Variants in DST observed in about 807,000 individuals in gnomAD.
The protein encoded by DST is bullous pemphigoid antigen.
Under a neutral mutation model 875.2 loss-of-function variants are expected in DST, and 253 were observed. That is an observed-to-expected ratio of 0.29 (90% CI 0.26 to 0.32). The LOEUF (loss-of-function observed/expected upper bound fraction) is 0.32, where lower values mean the gene tolerates loss of function less well. DST is among the 10% of genes least tolerant of loss of function. The pLI is 1.00. For synonymous variants in DST, 3,124 were observed against 3,197.1 expected (o/e 0.98, Z 0.77); for missense variants, 8,287 against 9,111.6 (o/e 0.91, Z 3.68).
chr6:56,605,384 T>C lies in DST; in HGVS notation c.9244A>G (p.Arg3082Gly), dbSNP rs1270677936. The C allele has an allele frequency of 3.1e-6, 5 of 1,612,590 alleles. No individual in the cohort carries two copies. The highest frequency in any genetic ancestry group is 4.2e-6 in the Non-Finnish European group (5 of 1,179,268). ...HLKLLPGKNT[R>G]DSFKLINSQF... ...CTATTAATTAACTTGAAACTATCCCTTGTATTTTTACCAGGCAAAAGTTTG... is the reference window on the plus strand; with the variant it reads ...CTATTAATTAACTTGAAACTATCCCCTGTATTTTTACCAGGCAAAAGTTTG... The change falls in exon 40 of 104, where the codon AGG becomes GGG. Residue 3082 changes from arginine (R) to glycine (G), a missense_variant. By Grantham distance (125) the Arg-to-Gly change is moderately radical. Around this residue, in one of 10 missense-constraint regions of DST, gnomAD observed 3,138 missense variants for 3,116.6 expected, o/e 1.01. Transcript: ENST00000680361.
intron 2 of DST, among the ~76,000 whole-genome samples, chr6:56,930,204 C>A (rs1348381529): frequency 1.3e-5 from 2 of 152,190 alleles, no homozygotes; most frequent in Non-Finnish European, 2.9e-5. Context: ...CAGGCCTATG[C>A]CGTATCTTGG....
At chr6:56,616,896 C>T (rs760993012) in intron 36 of DST, 2 of 1,612,602 alleles carry the variant, frequency 1.2e-6, no homozygotes, top group Non-Finnish European at 1.7e-6. Flanking sequence ...GCATCTTCAA[C>T]AGAATATGTC....
At chr6:56,781,118 G>C in intron 4 of DST, among the ~76,000 whole-genome samples, 1 of 152,136 alleles carries the variant, frequency 6.6e-6, no homozygotes, top group Non-Finnish European at 1.5e-5. Context: ...TGCTGTTTTG[G>C]TTACTGTAGC....
chr6:56,887,491 G>A (rs1228298613), intron 3 of DST, among the ~76,000 whole-genome samples: 1 of 152,098 alleles, frequency 6.6e-6, no homozygotes, highest in Non-Finnish European at 1.5e-5. Flanking sequence ...GATTTCTTTG[G>A]TTAGAGGTGA....
At chr6:56,476,805 A>G (rs752819281) in intron 91 of DST, among the ~76,000 whole-genome samples, 44 of 151,888 alleles carry the variant, frequency 2.9e-4, no homozygotes, top group Non-Finnish European at 5.6e-4. Context: ...CAAAAAAATT[A>G]GCTGGGCATG....
At chr6:56,817,433 G>T (rs1438933842) in intron 4 of DST, among the ~76,000 whole-genome samples, 1 of 152,148 alleles carries the variant, frequency 6.6e-6, no homozygotes, top group Non-Finnish European at 1.5e-5. Flanking sequence ...TTGGATGTTT[G>T]GAAAGCAATT....
At chr6:56,727,017 G>C (rs2152920690) in intron 5 of DST, among the ~76,000 whole-genome samples, 1 of 152,156 alleles carries the variant, frequency 6.6e-6, no homozygotes, top group Admixed American at 6.5e-5. Flanking sequence ...ATAAATCTTG[G>C]GGCCCCAAAA....
chr6:56,542,020 A>T (rs2097135116), intron 61 of DST, among the ~76,000 whole-genome samples: 3 of 152,218 alleles, frequency 2.0e-5, no homozygotes, highest in Admixed American at 6.5e-5. Context: ...AACAGCCTGA[A>T]TGTTAATTTC....
Position 56,605,452 on chromosome 6 carries a change from TCTC to T in DST, c.9173_9175del (p.Gly3058del). ...TTCTACTAGACCTTCTACAAGCACT[TCTC>T]CTTCACCCAAGTACATTTTCTGAAT... is the stretch of plus-strand genomic sequence containing the variant. On this transcript the variant is annotated inframe_deletion, in exon 40 of 104. Transcript: ENST00000680361. The T allele has an allele frequency of 6.2e-7, 1 of 1,612,932 alleles. No homozygotes were observed. The highest frequency in any genetic ancestry group is 8.5e-7 in the Non-Finnish European group (1 of 1,179,286).
chr6:56,523,942 A>C (rs1301469771), intron 69 of DST, among the ~76,000 whole-genome samples: 2 of 152,138 alleles, frequency 1.3e-5, no homozygotes, highest in Non-Finnish European at 2.9e-5. Flanking sequence ...TATTTCATAC[A>C]GAGAAGAGAC....
chr6:56,911,100 CT>C (rs1798657659), intron 2 of DST, among the ~76,000 whole-genome samples: 1 of 152,160 alleles, frequency 6.6e-6, no homozygotes, highest in African/African-American at 2.4e-5. Flanking sequence ...GTTGCTGGTT[CT>C]TGACACTTAG....
In DST at chr6:56,593,908, C is replaced by T; in HGVS notation, c.12481G>A (p.Glu4161Lys). Residue 4161 changes from glutamate to lysine, a missense_variant, in exon 48 of 104, where the codon GAG becomes AAG. Glu to Lys is a moderately conservative substitution (Grantham distance 56, BLOSUM62 1). This residue lies in a region of DST where 1,513 missense variants were observed against 1,677.8 expected (regional missense o/e 0.90). Transcript: ENST00000680361. The stretch of plus-strand genomic sequence containing the variant: ...CCATTGATGTCATCTGCACCTGCCT[C>T]CAGGTTTTCAAGTTCTTGTTCTGAC... ...QQSEQELENL[E>K]AGADDINGLM... The T allele has an allele frequency of 3.1e-6, 5 of 1,613,778 alleles. No homozygotes were observed. The highest frequency in any genetic ancestry group is 4.2e-6 in the Non-Finnish European group (5 of 1,179,744).
intron 4 of DST, among the ~76,000 whole-genome samples, chr6:56,747,516 TAAAG>T (rs2099576131): frequency 6.6e-6 from 1 of 152,202 alleles, no homozygotes; most frequent in South Asian, 2.1e-4. Flanking sequence ...TAAAAACATA[TAAAG>T]AGATTCCTAA....
At chr6:56,464,596 G>T in intron 100 of DST, 89 bp downstream of exon 100, 2 of 965,542 alleles carry the variant, frequency 2.1e-6, no homozygotes, top group Middle Eastern at 2.1e-4. Flanking sequence ...GATGAAGCAT[G>T]TTATTTTAAA....
intron 39 of DST, among the ~76,000 whole-genome samples, chr6:56,609,643 G>A (rs563129992): frequency 2.0e-4 from 30 of 152,132 alleles, no homozygotes; most frequent in Non-Finnish European, 3.2e-4. Context: ...AGTAGATGAT[G>A]ATAGTGAGAA....
rs530749976 is a variant in DST, at chr6:56,609,447, T to C, written c.5284-103A>G. ...AAAAAATAAATAATACATTTCAACA[T>C]AAAAATCCTCTACTTACCAAGGCGC... On this transcript the variant is annotated intron_variant, in intron 39 of 103. Transcript: ENST00000680361. 2.4e-5 allele frequency: 20 copies of C among 835,386 alleles called. No individual in the cohort carries two copies. The Admixed American group carries it at 2.6e-4, about 11-fold the overall frequency. The allele number at this position is 835,386 out of a possible 1,614,324, so 51.7% of individuals were successfully genotyped here. A position where few individuals can be genotyped will look rare whatever the true frequency, so the allele number is the denominator to read the frequency against.
chr6:56,526,650 G>C, intron 68 of DST, 83 bp from the exon 69 acceptor site: 2 of 1,287,952 alleles, frequency 1.6e-6, no homozygotes, highest in Admixed American at 3.8e-5. Context: ...CAAGTCCTTT[G>C]CAGGCGAATA....
intron 88 of DST, among the ~76,000 whole-genome samples, 179 bp from the exon 89 acceptor site, chr6:56,483,056 C>T (rs2095449449): frequency 6.6e-6 from 1 of 152,136 alleles, no homozygotes; most frequent in Non-Finnish European, 1.5e-5. Flanking sequence ...CCTATTTGAG[C>T]ACCATCAAGA....
At position 56,607,508 on chromosome 6, in the gene DST, G is replaced by A. The variant is rs536128073; in HGVS notation, c.7120C>T (p.Arg2374Ter). The A allele has an allele frequency of 1.1e-5, 17 of 1,598,692 alleles. No individual in the cohort carries two copies. The highest frequency in any genetic ancestry group is 1.6e-4 in the Middle Eastern group (1 of 6,066). ...NILTNYENQS[R>*]VETNERANEC... is the part of the protein sequence containing the mutation. ...TTTGCACGTTCATTTGTTTCCACTC[G>A]GCTTTGATTTTCATAGTTTGTAAGT... The change falls in exon 40 of 104, where the codon CGA (arginine) becomes TGA (stop). Residue 2374 changes from arginine to a stop codon, truncating the protein, a stop_gained. Coordinates refer to ENST00000680361, the MANE Select transcript of DST (RefSeq NM_001374736.1). LOFTEE classifies it high-confidence loss of function.
Sources: allele counts gnomAD v4.1 joint callset (sites outside exome capture counted in the v4.1 genomes callset), GRCh38; gene constraint gnomAD v4.1.1; regional missense constraint gnomAD v4.1.1; transcripts MANE v1.5; gene names NCBI Gene and HGNC (gene_info 2026-07-23, HGNC 2026-07-21).